ADGRL3: variants seen among roughly 807,000 people sequenced by gnomAD.
ADGRL3 encodes the protein adhesion G protein-coupled receptor L3.
Under a neutral mutation model 153.5 loss-of-function variants are expected in ADGRL3, and 62 were observed. The observed-to-expected ratio is 0.40, with a 90% confidence interval of 0.33 to 0.50. ADGRL3 has a LOEUF of 0.50. Among genes scored for constraint, ADGRL3 ranks in the 20% least tolerant of loss-of-function variants. The pLI, the probability that ADGRL3 is intolerant of heterozygous loss-of-function variation, is 0.47. For synonymous variants in ADGRL3, 710 were observed against 672.5 expected (o/e 1.06, Z -0.86); for missense variants, 1,641 against 1,859.4 (o/e 0.88, Z 2.16).
rs2094316903 is a variant in ADGRL3, at chr4:61,293,950, T to G, written c.-239-89174T>G. On this transcript the variant is annotated intron_variant, in intron 1 of 26. Coordinates refer to ENST00000683033, the MANE Select transcript of ADGRL3 (RefSeq NM_001387552.1). ...AAATAGGTAATGAACTTAAGAGCTTTGCATAGTGACTGAAACATACTGTAA... is the reference window on the plus strand; with the variant it reads ...AAATAGGTAATGAACTTAAGAGCTTGGCATAGTGACTGAAACATACTGTAA... 3.3e-5 allele frequency among the ~76,000 whole-genome samples: 5 copies of G among 152,186 alleles called. 1 individual carries two copies. The South Asian group carries it at 8.3e-4, about 25-fold the overall frequency.
intron 4 of ADGRL3, among the ~76,000 whole-genome samples, chr4:61,573,433 T>C (rs79152980): frequency 0.012 from 1,830 of 152,084 alleles, 34 homozygotes; most frequent in African/African-American, 0.041. Context: ...TCATAAATGC[T>C]AAATAGACAT....
At chr4:62,058,395 T>C (rs914697529) in intron 25 of ADGRL3, among the ~76,000 whole-genome samples, 1 of 152,178 alleles carries the variant, frequency 6.6e-6, no homozygotes, top group African/African-American at 2.4e-5. Context: ...ATAAGACTAC[T>C]CATAATGGAT....
intron 17 of ADGRL3, among the ~76,000 whole-genome samples, chr4:61,972,631 C>G (rs1352730389): frequency 3.3e-5 from 5 of 151,948 alleles, no homozygotes; most frequent in South Asian, 2.1e-4. Context: ...GGATTGACTT[C>G]ACGATTCAGG....
intron 1 of ADGRL3, among the ~76,000 whole-genome samples, chr4:61,311,556 T>A (rs551367920): frequency 6.6e-6 from 1 of 152,188 alleles, no homozygotes; most frequent in Non-Finnish European, 1.5e-5. Flanking sequence ...ACCCATGCTT[T>A]TGCCCTCAGT....
chr4:61,443,225 G>A (rs2097545804), intron 2 of ADGRL3, among the ~76,000 whole-genome samples: 1 of 152,024 alleles, frequency 6.6e-6, no homozygotes, highest in Non-Finnish European at 1.5e-5. Context: ...AATCCTATTA[G>A]ACATACATAG....
At chr4:61,833,876 A>G (rs2097902080) in intron 9 of ADGRL3, among the ~76,000 whole-genome samples, 1 of 152,036 alleles carries the variant, frequency 6.6e-6, no homozygotes, top group Non-Finnish European at 1.5e-5. Context: ...GAACAGGAGC[A>G]GTTTGGAGGA....
intron 8 of ADGRL3, among the ~76,000 whole-genome samples, chr4:61,789,716 C>T (rs1184873443): frequency 6.6e-6 from 1 of 152,140 alleles, no homozygotes; most frequent in African/African-American, 2.4e-5. Context: ...GTCTCCATTA[C>T]TAGCGAAGTG....
intron 5 of ADGRL3, among the ~76,000 whole-genome samples, chr4:61,665,527 T>C (rs895345076): frequency 1.3e-5 from 2 of 152,150 alleles, no homozygotes; most frequent in African/African-American, 2.4e-5. Flanking sequence ...TTAACCATCT[T>C]AAGACCATAA....
At chr4:61,951,524 A>C (rs2098947216) in intron 17 of ADGRL3, among the ~76,000 whole-genome samples, 1 of 152,222 alleles carries the variant, frequency 6.6e-6, no homozygotes, top group Admixed American at 6.5e-5. Context: ...TGTTAGACAG[A>C]TTATTCCCAA....
At chr4:61,607,175 G>A (rs999468213) in intron 5 of ADGRL3, among the ~76,000 whole-genome samples, 7 of 152,130 alleles carry the variant, frequency 4.6e-5, no homozygotes, top group African/African-American at 1.7e-4. Context: ...AATCATAGGG[G>A]TGTGGAAAAC....
rs142058290 is a variant in ADGRL3, at chr4:61,681,166, T to A, written c.583+4231T>A. 4.7e-4 allele frequency among the ~76,000 whole-genome samples: 72 copies of A among 152,200 alleles called. No homozygotes were observed. In the East Asian group the frequency reaches 0.014, roughly 29 times the overall value. On this transcript the variant is annotated intron_variant, in intron 6 of 26. Coordinates refer to ENST00000683033, the MANE Select transcript of ADGRL3 (RefSeq NM_001387552.1). ...TTGATTTGAGATTGAAATTGTGTCA[T>A]CTAGAGCTGCCTTCATTCAGCAGGG...
intron 2 of ADGRL3, among the ~76,000 whole-genome samples, chr4:61,402,656 G>A (rs1387434779): frequency 1.3e-5 from 2 of 151,972 alleles, no homozygotes; most frequent in Non-Finnish European, 2.9e-5. Context: ...AAATGAACTG[G>A]GTATGTCAGG....
chr4:61,252,405 GA>G (rs1157939722), intron 1 of ADGRL3, among the ~76,000 whole-genome samples: 5 of 151,950 alleles, frequency 3.3e-5, no homozygotes, highest in South Asian at 2.1e-4. Context: ...CAAAAGATTT[GA>G]AAAAAAGTGA....
At position 62,072,425 on chromosome 4, in the gene ADGRL3, CTGAT is replaced by C. The variant is rs1174936397; in HGVS notation, c.*1521_*1524del. On this transcript the variant is annotated 3_prime_UTR_variant, in exon 27 of 27. Transcript: ENST00000683033. Reference sequence around the variant, plus strand: ...AACTTGTTTGCCAACCAATAAACAACTGATTGAGATTTAGAAGATATTGTATTGA... The same window carrying C: ...AACTTGTTTGCCAACCAATAAACAACTGAGATTTAGAAGATATTGTATTGA... 3.9e-5 allele frequency: 6 copies of C among 152,424 alleles called. No individual in the cohort carries two copies. Among genetic ancestry groups the C allele is most frequent in the Admixed American group, 3.3e-4 (5 of 15,242 alleles). The allele number at this position is 152,424 out of a possible 1,614,324, so 9.4% of individuals were successfully genotyped here. A position where few individuals can be genotyped will look rare whatever the true frequency, so the allele number is the denominator to read the frequency against.
intron 5 of ADGRL3, among the ~76,000 whole-genome samples, chr4:61,594,364 G>A (rs1293769869): frequency 6.6e-6 from 1 of 152,068 alleles, no homozygotes; most frequent in Non-Finnish European, 1.5e-5. Flanking sequence ...GATACTTATA[G>A]GTGTTCTTCA....
intron 2 of ADGRL3, among the ~76,000 whole-genome samples, chr4:61,470,558 A>G (rs1405928342): frequency 6.6e-6 from 1 of 151,944 alleles, no homozygotes; most frequent in Non-Finnish European, 1.5e-5. Context: ...CCTTGTTTTA[A>G]AATTTTGAAT....
chr4:61,949,388 G>A (rs1442060194), intron 17 of ADGRL3, among the ~76,000 whole-genome samples: 1 of 152,088 alleles, frequency 6.6e-6, no homozygotes, highest in African/African-American at 2.4e-5. Flanking sequence ...TAAACTAAAT[G>A]GATAATTGCA....
rs568879773 is a variant in ADGRL3, at chr4:61,346,523, G to C, written c.-239-36601G>C. Among the ~76,000 whole-genome samples, 18 of 151,918 alleles carry C rather than the reference G, an allele frequency of 1.2e-4. No homozygotes were observed. In the South Asian group the frequency reaches 3.7e-3, roughly 32 times the overall value. ...TCATGCCTGTAATGTCAGCACTTTG[G>C]GAGGCATAGGTGGGAAGATCACTTG... On this transcript the variant is annotated intron_variant, in intron 1 of 26. Transcript: ENST00000683033.
At chr4:61,316,358 G>A (rs2095213549) in intron 1 of ADGRL3, among the ~76,000 whole-genome samples, 1 of 152,134 alleles carries the variant, frequency 6.6e-6, no homozygotes. Context: ...AAATTAGGAA[G>A]ACAGGCAGGG....
Sources: allele counts gnomAD v4.1 joint callset (sites outside exome capture counted in the v4.1 genomes callset), GRCh38; gene constraint gnomAD v4.1.1; transcripts MANE v1.5; gene names NCBI Gene and HGNC (gene_info 2026-07-23, HGNC 2026-07-21).